SLC9A9: variants seen among roughly 807,000 people sequenced by gnomAD.
SLC9A9 encodes the protein solute carrier family 9 member A9, also known as sodium/hydrogen exchanger 9.
Under a neutral mutation model 77.8 loss-of-function variants are expected in SLC9A9, and 62 were observed. The ratio of observed to expected loss-of-function variants is 0.80; its 90% CI spans 0.65 to 0.98. The LOEUF (loss-of-function observed/expected upper bound fraction) is 0.98. SLC9A9 is among the 50% of genes least tolerant of loss of function. The probability of loss-of-function intolerance (pLI) is 0.00; values close to 1 mark genes in which losing one functional copy is unlikely to be tolerated. For missense variants in SLC9A9, 775 were observed against 774.9 expected (o/e 1.00, Z 0.00); for synonymous variants, 320 against 283.5 (o/e 1.13, Z -1.29).
chr3:143,518,898 G>T (rs1284859448), intron 9 of SLC9A9, among the ~76,000 whole-genome samples: 2 of 152,138 alleles, frequency 1.3e-5, no homozygotes, highest in Non-Finnish European at 2.9e-5. Context: ...TTAACTAGAT[G>T]GTATTTACTA....
At position 143,266,583 on chromosome 3, in the gene SLC9A9, T is replaced by G; in HGVS notation, c.*119A>C. 1 of 993,682 alleles carries G rather than the reference T, an allele frequency of 1.0e-6. No homozygotes were observed. Among genetic ancestry groups the G allele is most frequent in the Non-Finnish European group, 1.6e-6 (1 of 641,058 alleles). The allele number at this position is 993,682 out of a possible 1,614,324, so 61.6% of individuals were successfully genotyped here. A position where few individuals can be genotyped will look rare whatever the true frequency, so the allele number is the denominator to read the frequency against. ...TCCATGTGACAAGGCTTTGATTCTC[T>G]CCAATTTATGCTCTTAATATGTTTT... On this transcript the variant is annotated 3_prime_UTR_variant, in exon 16 of 16. Transcript: ENST00000316549.
chr3:143,286,776 T>C (rs1361902116), intron 14 of SLC9A9, among the ~76,000 whole-genome samples: 4 of 152,206 alleles, frequency 2.6e-5, no homozygotes, highest in Non-Finnish European at 5.9e-5. Flanking sequence ...CTTCTGGTGC[T>C]TTCCCCAGGA....
intron 5 of SLC9A9, among the ~76,000 whole-genome samples, chr3:143,672,279 T>G (rs1472798818): frequency 6.6e-6 from 1 of 152,044 alleles, no homozygotes; most frequent in African/African-American, 2.4e-5. Flanking sequence ...AAACCACAAG[T>G]GTAATATAGG....
At chr3:143,503,912 A>G in intron 9 of SLC9A9, 1 of 373,992 alleles carries the variant, frequency 2.7e-6, no homozygotes, top group Non-Finnish European at 5.2e-6. Flanking sequence ...GGGGGCAGAG[A>G]TGATGACTCT....
chr3:143,482,988 A>G (rs903954220), intron 11 of SLC9A9, among the ~76,000 whole-genome samples: 2 of 152,212 alleles, frequency 1.3e-5, no homozygotes, highest in African/African-American at 4.8e-5. Context: ...ACGATATAGC[A>G]GAGCAGTTAT....
rs192316159 is a variant in SLC9A9 at position 143,599,425 on chromosome 3, C to T, written c.756-20702G>A. ...GAGAGCCTCTGTTTGCAAAGAAATA[C>T]GGCTGTGCTTAACATCTGAGTAGTC... On this transcript the variant is annotated intron_variant, in intron 6 of 15. Coordinates refer to ENST00000316549, the MANE Select transcript of SLC9A9 (RefSeq NM_173653.4). Among the ~76,000 whole-genome samples the T allele has an allele frequency of 1.5e-4, 23 of 152,198 alleles. No homozygotes were observed. The East Asian group carries it at 3.5e-3, about 23-fold the overall frequency.
intron 1 of SLC9A9, chr3:143,847,887 A>C (rs770296533): frequency 1.9e-6 from 1 of 529,294 alleles, no homozygotes; most frequent in Non-Finnish European, 3.4e-6. Context: ...CCCACATGAC[A>C]ATGGACCCGC....
chr3:143,309,018 G>A (rs573679700), intron 14 of SLC9A9, among the ~76,000 whole-genome samples: 49 of 152,270 alleles, frequency 3.2e-4, no homozygotes, highest in South Asian at 8.3e-4. Flanking sequence ...AGCCAACTCC[G>A]TGACATTTAT....
chr3:143,781,272 TA>T (rs2007873257), intron 4 of SLC9A9, among the ~76,000 whole-genome samples: 1 of 152,146 alleles, frequency 6.6e-6, no homozygotes, highest in South Asian at 2.1e-4. Context: ...AAAATACCCA[TA>T]AAAATGCCTT....
intron 4 of SLC9A9, among the ~76,000 whole-genome samples, chr3:143,735,611 A>T (rs1934921674): frequency 6.6e-6 from 1 of 152,246 alleles, no homozygotes; most frequent in Non-Finnish European, 1.5e-5. Flanking sequence ...AAAAGCTAGA[A>T]GGAAAATAGG....
chr3:143,447,323 A>G (rs545746199), intron 12 of SLC9A9, among the ~76,000 whole-genome samples: 1 of 152,330 alleles, frequency 6.6e-6, no homozygotes, highest in Admixed American at 6.5e-5. Flanking sequence ...TGAGAACTGG[A>G]AGCAAAAGTA....
intron 4 of SLC9A9, among the ~76,000 whole-genome samples, chr3:143,739,974 A>G (rs1009415498): frequency 2.6e-5 from 4 of 152,192 alleles, no homozygotes; most frequent in African/African-American, 9.6e-5. Context: ...GGTCCTATCC[A>G]TGTTCTATCC....
chr3:143,662,945 C>T (rs889256283), intron 5 of SLC9A9, among the ~76,000 whole-genome samples: 3 of 151,992 alleles, frequency 2.0e-5, no homozygotes, highest in Non-Finnish European at 2.9e-5. Flanking sequence ...GTGGTTCTCC[C>T]AGCACAGAGT....
In SLC9A9 at chr3:143,583,252, T is replaced by C. The variant is rs565779238; in HGVS notation, c.756-4529A>G. ...TTCATTCTGTTCAACAATAGATTAT[T>C]CAGCAAAATTAGTTTGATGACAGTG... On this transcript the variant is annotated intron_variant, in intron 6 of 15. Coordinates refer to ENST00000316549, the MANE Select transcript of SLC9A9 (RefSeq NM_173653.4). 3.9e-5 allele frequency among the ~76,000 whole-genome samples: 6 copies of C among 152,274 alleles called. No individual in the cohort carries two copies. The South Asian group carries it at 1.2e-3, about 32-fold the overall frequency.
At chr3:143,340,185 T>C (rs1171697349) in intron 14 of SLC9A9, among the ~76,000 whole-genome samples, 1 of 152,184 alleles carries the variant, frequency 6.6e-6, no homozygotes, top group Admixed American at 6.5e-5. Flanking sequence ...CTGACTGGCC[T>C]AATACAGTCT....
intron 3 of SLC9A9, among the ~76,000 whole-genome samples, 175 bp from the exon 4 acceptor site, chr3:143,795,252 A>G (rs995478485): frequency 2.0e-5 from 3 of 149,668 alleles, no homozygotes; most frequent in Non-Finnish European, 2.9e-5. Context: ...TTATCATTGC[A>G]AAGGACTGGA....
At chr3:143,437,337 C>T (rs1185109888) in intron 12 of SLC9A9, among the ~76,000 whole-genome samples, 1 of 152,224 alleles carries the variant, frequency 6.6e-6, no homozygotes, top group Admixed American at 6.5e-5. Flanking sequence ...GCCCTCTCCC[C>T]TCAGAATGAA....
intron 14 of SLC9A9, among the ~76,000 whole-genome samples, chr3:143,314,661 C>A (rs572471127): frequency 1.3e-5 from 2 of 152,388 alleles, no homozygotes; most frequent in Non-Finnish European, 2.9e-5. Context: ...TGCCTCTCCC[C>A]ACTGGCCAGC....
chr3:143,831,652 A>G (rs1382470161), intron 2 of SLC9A9, among the ~76,000 whole-genome samples: 2 of 152,228 alleles, frequency 1.3e-5, no homozygotes, highest in African/African-American at 4.8e-5. Context: ...TTTGAACTGC[A>G]CTTTCAGCTG....
Sources: gnomAD v4.1 joint callset for allele counts (sites outside exome capture counted in the v4.1 genomes callset) on GRCh38, gnomAD v4.1.1 for gene constraint, MANE v1.5 for transcripts, NCBI Gene and HGNC (gene_info 2026-07-23, HGNC 2026-07-21) for gene names.